MFF: variants seen among roughly 807,000 people sequenced by gnomAD.
MFF encodes mitochondrial fission factor, also known as chromosome 2 open reading frame 33.
Under a neutral mutation model 36.9 loss-of-function variants are expected in MFF, and 12 were observed. The observed-to-expected ratio is 0.33, with a 90% CI of 0.21 to 0.53. The LOEUF is 0.53. MFF is among the 20% of genes least tolerant of loss of function. MFF has a pLI of 0.95. For missense variants in MFF, 348 were observed against 366.6 expected (o/e 0.95, Z 0.42); for synonymous variants, 99 against 126.2 (o/e 0.78, Z 1.44).
intron 1 of MFF, among the ~76,000 whole-genome samples, chr2:227,328,066 G>GT (rs1225709438): frequency 6.6e-6 from 1 of 151,994 alleles, no homozygotes; most frequent in Non-Finnish European, 1.5e-5. Flanking sequence ...TTTTAACATC[G>GT]TAAGTGAATG....
chr2:227,357,267 A>AT lies in MFF; in HGVS notation c.*151dup. Reference sequence around the variant, plus strand: ...TCCAGAAAGTCTGGAGGAAGGACCTATATTTGTAGAAGTAAAGGTATATTC... The same window carrying AT: ...TCCAGAAAGTCTGGAGGAAGGACCTATTATTTGTAGAAGTAAAGGTATATTC... On this transcript the variant is annotated 3_prime_UTR_variant, in exon 9 of 9. Coordinates refer to ENST00000304593, the MANE Select transcript of MFF (RefSeq NM_001277062.2). 1.2e-6 allele frequency: 1 copy of AT among 815,712 alleles called. No individual in the cohort carries two copies. Among genetic ancestry groups the AT allele is most frequent in the South Asian group, 2.0e-5 (1 of 51,006 alleles). 50.5% of individuals were successfully genotyped at this position (815,712 alleles called of 1,614,324 possible).
intron 6 of MFF, among the ~76,000 whole-genome samples, chr2:227,349,812 C>T (rs2075896741): frequency 6.6e-6 from 1 of 152,080 alleles, no homozygotes; most frequent in Admixed American, 6.6e-5. Context: ...TTAAGTGCTT[C>T]TATGTTCCTT....
chr2:227,344,356 A>G (rs1368507062), intron 5 of MFF, among the ~76,000 whole-genome samples: 1 of 152,070 alleles, frequency 6.6e-6, no homozygotes, highest in African/African-American at 2.4e-5. Context: ...TTTATTTTCC[A>G]CAATAGTTCA....
At chr2:227,337,090 G>A (rs1216987700) in intron 4 of MFF, among the ~76,000 whole-genome samples, 2 of 152,202 alleles carry the variant, frequency 1.3e-5, no homozygotes, top group African/African-American at 2.4e-5. Flanking sequence ...CAAAAGTCTG[G>A]AGAGAAGAGG....
At chr2:227,352,653 C>A in intron 7 of MFF, 80 bp downstream of exon 7, 3 of 1,175,332 alleles carry the variant, frequency 2.6e-6, no homozygotes, top group Non-Finnish European at 3.8e-6. Flanking sequence ...CATGTCGTAG[C>A]CATGCCTGTG....
chr2:227,345,512 G>A (rs1039430762), intron 5 of MFF, among the ~76,000 whole-genome samples: 1 of 152,234 alleles, frequency 6.6e-6, no homozygotes, highest in African/African-American at 2.4e-5. Context: ...AACGCTGGCT[G>A]CTCTATCAAG....
In MFF at chr2:227,355,716, G is replaced by A. The variant is rs142676012; in HGVS notation, c.699G>A (p.Thr233=). 77 of 1,611,866 alleles carry A rather than the reference G, an allele frequency of 4.8e-5. No individual in the cohort carries two copies. The African/African-American group carries it at 9.4e-4, about 20-fold the overall frequency. ...ATATAGATACAACCATTGAAGGAACGTCAGATGACCTGACTGTTGTAGATG... is the reference window on the plus strand; with the variant it reads ...ATATAGATACAACCATTGAAGGAACATCAGATGACCTGACTGTTGTAGATG... ...ISNIDTTIEG[T]SDDLTVVDAA... The change falls in exon 8 of 9, where the codon ACG becomes ACA. Residue 233 remains threonine (T), a synonymous_variant. Coordinates refer to ENST00000304593, the MANE Select transcript of MFF (RefSeq NM_001277062.2).
At position 227,357,321 on chromosome 2, in the gene MFF, A is replaced by G; in HGVS notation, c.*204A>G. 2.2e-6 allele frequency: 1 copy of G among 445,774 alleles called. No homozygotes were observed. The highest frequency in any genetic ancestry group is 3.6e-5 in the East Asian group (1 of 27,530). 27.6% of individuals were successfully genotyped at this position (445,774 alleles called of 1,614,324 possible). On this transcript the variant is annotated 3_prime_UTR_variant, in exon 9 of 9. Transcript: ENST00000304593. ...CACTCAGCTGTATTCACGTCTGAGC[A>G]GTTCTGCAGTAACACCTGCTTAAAA...
At chr2:227,348,754 G>A (rs1030712205) in intron 6 of MFF, among the ~76,000 whole-genome samples, 13 of 152,130 alleles carry the variant, frequency 8.5e-5, no homozygotes, top group African/African-American at 2.9e-4. Flanking sequence ...TTTCTCATCT[G>A]TTGAGAAATA....
intron 5 of MFF, among the ~76,000 whole-genome samples, chr2:227,342,183 T>G (rs10469675): frequency 0.026 from 3,931 of 152,192 alleles, 176 homozygotes; most frequent in African/African-American, 0.088. Flanking sequence ...TTTATACATT[T>G]TCACAGTGAA....
intron 7 of MFF, among the ~76,000 whole-genome samples, chr2:227,353,738 A>G (rs1031730627): frequency 6.6e-6 from 1 of 152,290 alleles, no homozygotes; most frequent in African/African-American, 2.4e-5. Context: ...CTTTTGTCAT[A>G]TCCTTATATT....
chr2:227,336,932 A>G (rs565446715), intron 4 of MFF, among the ~76,000 whole-genome samples: 1 of 152,340 alleles, frequency 6.6e-6, no homozygotes, highest in East Asian at 1.9e-4. Flanking sequence ...GACTCAGTGA[A>G]TATTTAAAAG....
At chr2:227,345,990 T>A (rs1019085132) in intron 5 of MFF, among the ~76,000 whole-genome samples, 3 of 152,208 alleles carry the variant, frequency 2.0e-5, no homozygotes, top group Non-Finnish European at 2.9e-5. Context: ...ATGGTACTTC[T>A]GTCTTTGGAT....
At chr2:227,333,572 G>A (rs780487983) in intron 4 of MFF, among the ~76,000 whole-genome samples, 7 of 152,160 alleles carry the variant, frequency 4.6e-5, no homozygotes, top group Non-Finnish European at 1.0e-4. Flanking sequence ...CATTCAAAAA[G>A]TTTGCTGTCT....
chr2:227,328,372 T>C (rs1313854712), intron 1 of MFF, among the ~76,000 whole-genome samples: 2 of 149,550 alleles, frequency 1.3e-5, no homozygotes, highest in Non-Finnish European at 3.0e-5. Flanking sequence ...TGCATATATA[T>C]ACGTAAGTAT....
chr2:227,334,499 C>T (rs1221310407), intron 4 of MFF, among the ~76,000 whole-genome samples: 1 of 152,074 alleles, frequency 6.6e-6, no homozygotes, highest in Non-Finnish European at 1.5e-5. Context: ...GCAGTAAGGG[C>T]CTGAGTACTG....
chr2:227,348,493 G>T (rs76278648), intron 6 of MFF, among the ~76,000 whole-genome samples: 6,745 of 152,162 alleles, frequency 0.044, 383 homozygotes, highest in East Asian at 0.13. Flanking sequence ...TGAGGGTGTG[G>T]GGAGGGGAAT....
intron 4 of MFF, among the ~76,000 whole-genome samples, chr2:227,339,886 C>G (rs1213906417): frequency 1.3e-5 from 2 of 152,136 alleles, no homozygotes; most frequent in African/African-American, 4.8e-5. Context: ...CCGTAGAAGC[C>G]AGGAAGGTTT....
At chr2:227,330,115 T>G (rs1007746669) in intron 2 of MFF, 9 of 201,166 alleles carry the variant, frequency 4.5e-5, no homozygotes, top group African/African-American at 2.1e-4. Context: ...ATCTTCTTTT[T>G]TAGTAAATTC....
Sources: allele counts gnomAD v4.1 joint callset (sites outside exome capture counted in the v4.1 genomes callset), GRCh38; gene constraint gnomAD v4.1.1; transcripts MANE v1.5; gene names NCBI Gene and HGNC (gene_info 2026-07-23, HGNC 2026-07-21).